The following KLHL10 variants were observed in gnomAD, a reference collection of about 807,000 sequenced individuals.
KLHL10 encodes kelch-like protein 10.
KLHL10 carries 11 observed loss-of-function variants against 46.6 expected under a neutral mutation model. The ratio of observed to expected loss-of-function variants is 0.24; its 90% CI spans 0.15 to 0.39. KLHL10 has a LOEUF of 0.39. Among genes scored for constraint, KLHL10 ranks in the 10% least tolerant of loss-of-function variants. The pLI is 1.00. For synonymous variants in KLHL10, 254 were observed against 279.1 expected (o/e 0.91, Z 0.90); for missense variants, 475 against 789.8 (o/e 0.60, Z 4.78).
chr17:41,847,427 C>T lies in KLHL10; in HGVS notation c.1452+17C>T. The T allele has an allele frequency of 3.1e-6, 5 of 1,612,886 alleles. No homozygotes were observed. The highest frequency in any genetic ancestry group is 4.2e-6 in the Non-Finnish European group (5 of 1,179,278). On this transcript the variant is annotated intron_variant, in intron 4 of 4. Coordinates refer to ENST00000293303, the MANE Select transcript of KLHL10 (RefSeq NM_152467.5). ...GTATATGCGGTAAGTTTATCTAGTA[C>T]CACACACACACAAAAAACACATTAC...
At chr17:41,838,633 C>CTTTTT (rs561213551) in intron 1 of KLHL10, among the ~76,000 whole-genome samples, 29 of 138,666 alleles carry the variant, frequency 2.1e-4, no homozygotes, top group African/African-American at 7.0e-4. Flanking sequence ...TTTTTTCTCT[C>CTTTTT]TTTTTTTTTT....
chr17:41,848,362 A>T lies in KLHL10; in HGVS notation c.*55A>T, dbSNP rs192251861. The T allele has an allele frequency of 4.1e-4, 635 of 1,564,136 alleles. 1 individual carries two copies. The highest frequency in any genetic ancestry group is 4.7e-4 in the Admixed American group (27 of 57,492). On this transcript the variant is annotated 3_prime_UTR_variant, in exon 5 of 5. Transcript: ENST00000293303. Reference sequence around the variant, plus strand: ...AGCAATAAGAATTAATTCTTTTTTTAAAAAAATGCAGTGTTTAAACTTTGA... The same window carrying T: ...AGCAATAAGAATTAATTCTTTTTTTTAAAAAATGCAGTGTTTAAACTTTGA...
At chr17:41,847,852 C>A in intron 4 of KLHL10, 81 bp from the exon 5 acceptor site, 1 of 1,568,430 alleles carries the variant, frequency 6.4e-7, no homozygotes, top group Non-Finnish European at 8.8e-7. Context: ...GTTATGAGAT[C>A]ACTGGTACCC....
intron 1 of KLHL10, among the ~76,000 whole-genome samples, chr17:41,838,802 C>G (rs968424736): frequency 7.3e-5 from 11 of 151,428 alleles, no homozygotes; most frequent in African/African-American, 2.7e-4. Context: ...CATTCTCCCA[C>G]CTCAGCCTCT....
chr17:41,845,407 T>G lies in KLHL10; in HGVS notation c.966T>G (p.Thr322=), dbSNP rs34933374. ...GGGCAGACAGATGGGTGAATGTTACTTGTGAGGAAGAGAGTCCCCGTGCCT... is the reference window on the plus strand; with the variant it reads ...GGGCAGACAGATGGGTGAATGTTACGTGTGAGGAAGAGAGTCCCCGTGCCT... ...DARADRWVNV[T]CEEESPRAYH... The change falls in exon 3 of 5, where the codon ACT becomes ACG. Residue 322 remains threonine, a synonymous_variant. Transcript: ENST00000293303. 6.2e-7 allele frequency: 1 copy of G among 1,614,180 alleles called. No homozygotes were observed. Among genetic ancestry groups the G allele is most frequent in the East Asian group, 2.2e-5 (1 of 44,890 alleles).
At chr17:41,836,831 A>G (rs2048167012), upstream of KLHL10, among the ~76,000 whole-genome samples, 1 of 152,132 alleles carries the variant, frequency 6.6e-6, no homozygotes, top group Non-Finnish European at 1.5e-5. Context: ...TCTCAGAAAC[A>G]AAAACAGAAA....
chr17:41,841,409 G>A (rs2048225017), intron 1 of KLHL10, among the ~76,000 whole-genome samples: 1 of 152,142 alleles, frequency 6.6e-6, no homozygotes. Context: ...CCGCCTCCCA[G>A]GTTTAAGCGA....
chr17:41,848,167 T>C lies in KLHL10; in HGVS notation c.1687T>C (p.Tyr563His), dbSNP rs957994452. ...EWYDAHDMSI[Y>H]RSALSCCVVP... ...GTATGATGCTCATGACATGAGTATA[T>C]ACCGCAGTGCTCTGAGCTGCTGTGT... is the stretch of plus-strand genomic sequence containing the variant. The change falls in exon 5 of 5, where the codon TAC becomes CAC. Residue 563 changes from tyrosine to histidine, a missense_variant. Tyr to His is a moderately conservative substitution (Grantham distance 83). Transcript: ENST00000293303. 1.9e-6 allele frequency: 3 copies of C among 1,614,170 alleles called. No individual in the cohort carries two copies.
intron 4 of KLHL10, among the ~76,000 whole-genome samples, chr17:41,847,631 G>A (rs890834613): frequency 3.3e-5 from 5 of 151,630 alleles, no homozygotes; most frequent in African/African-American, 4.8e-5. Context: ...TCAGCCTCCC[G>A]AGCAGCTGGG....
chr17:41,847,147 A>G, intron 3 of KLHL10, 114 bp from the exon 4 acceptor site: 1 of 942,612 alleles, frequency 1.1e-6, no homozygotes, highest in East Asian at 2.4e-5. Context: ...CATACAAAAA[A>G]AAGAAATTCA....
At position 41,845,417 on chromosome 17, in the gene KLHL10, G is replaced by T; in HGVS notation, c.976G>T (p.Glu326Ter). Reference protein sequence around the residue: ...DRWVNVTCEEESPRAYHGAAY... With the variant: ...DRWVNVTCEE ...ATGGGTGAATGTTACTTGTGAGGAAGAGAGTCCCCGTGCCTACCATGGGGC... is the reference window on the plus strand; with the variant it reads ...ATGGGTGAATGTTACTTGTGAGGAATAGAGTCCCCGTGCCTACCATGGGGC... The change falls in exon 3 of 5, where the codon GAG becomes TAG. Residue 326 changes from glutamate to a stop codon, truncating the protein, a stop_gained. Coordinates refer to ENST00000293303, the MANE Select transcript of KLHL10 (RefSeq NM_152467.5). LOFTEE classifies it high-confidence loss of function. 6.2e-7 allele frequency: 1 copy of T among 1,614,250 alleles called. No homozygotes were observed. Among genetic ancestry groups the T allele is most frequent in the Non-Finnish European group, 8.5e-7 (1 of 1,180,046 alleles).
chr17:41,836,566 T>A, upstream of KLHL10: 1 of 544,934 alleles, frequency 1.8e-6, no homozygotes, highest in African/African-American at 2.1e-5. Flanking sequence ...CCCATACCTG[T>A]AATCCCAGGA....
chr17:41,836,414 G>C (rs1353628095), upstream of KLHL10: 3 of 985,180 alleles, frequency 3.0e-6, no homozygotes, highest in Non-Finnish European at 3.6e-6. Context: ...ATTATGAAGA[G>C]CAGGGTGAAG....
At chr17:41,835,914 C>T, upstream of KLHL10, 1 of 1,606,854 alleles carries the variant, frequency 6.2e-7, no homozygotes, top group Non-Finnish European at 8.5e-7. Flanking sequence ...CTGCACCCGC[C>T]CAGGCTGCCG....
upstream of KLHL10, chr17:41,836,446 G>A: frequency 5.1e-6 from 5 of 985,172 alleles, no homozygotes; most frequent in Non-Finnish European, 6.0e-6. Flanking sequence ...TTGGGGTTAC[G>A]TGGGTAGGTA....
At chr17:41,835,754 A>T, upstream of KLHL10, 1 of 1,158,426 alleles carries the variant, frequency 8.6e-7, no homozygotes, top group Non-Finnish European at 1.3e-6. Context: ...CTTGGGGCAG[A>T]GAGCTAGGAG....
chr17:41,845,262 C>T lies in KLHL10; in HGVS notation c.821C>T (p.Pro274Leu), dbSNP rs976775241. The T allele has an allele frequency of 1.2e-6, 2 of 1,614,022 alleles. No individual in the cohort carries two copies. Among genetic ancestry groups the T allele is most frequent in the Admixed American group, 1.7e-5 (1 of 59,982 alleles). Reference sequence around the variant, plus strand: ...ATGTATGACCTCAACATGAATGGACCCTCTAATTCTGATTTCACCAACCCA... The same window carrying T: ...ATGTATGACCTCAACATGAATGGACTCTCTAATTCTGATTTCACCAACCCA... The part of the protein sequence containing the change: ...KAMYDLNMNG[P>L]SNSDFTNPLT... Residue 274 changes from proline to leucine, a missense_variant, in exon 3 of 5, where the codon CCC becomes CTC. By Grantham distance (98) the Pro-to-Leu change is moderately conservative. Coordinates refer to ENST00000293303, the MANE Select transcript of KLHL10 (RefSeq NM_152467.5).
At chr17:41,843,513 A>AC (rs201393882) in intron 2 of KLHL10, among the ~76,000 whole-genome samples, 21,857 of 134,524 alleles carry the variant, frequency 0.16, 1,740 homozygotes, top group African/African-American at 0.19. Flanking sequence ...CAAATTAACA[A>AC]AAAAAAAAAA....
At chr17:41,841,136 T>G (rs538629362) in intron 1 of KLHL10, among the ~76,000 whole-genome samples, 20 of 150,976 alleles carry the variant, frequency 1.3e-4, no homozygotes, top group African/African-American at 4.9e-4. Flanking sequence ...CAAGACCCTG[T>G]TTCCAAAAAA....
Sources: allele counts gnomAD v4.1 joint callset (sites outside exome capture counted in the v4.1 genomes callset), GRCh38; gene constraint gnomAD v4.1.1; transcripts MANE v1.5; gene names NCBI Gene and HGNC (gene_info 2026-07-23, HGNC 2026-07-21).